Variants in ANTXR1 observed in about 807,000 individuals in gnomAD.
ANTXR1 encodes the protein ANTXR cell adhesion molecule 1, also known as anthrax toxin receptor 1.
A neutral mutation model predicts 78.1 loss-of-function variants in ANTXR1; 19 were observed. The ratio of observed to expected loss-of-function variants is 0.24; its 90% CI spans 0.17 to 0.36. The LOEUF (loss-of-function observed/expected upper bound fraction) is 0.36. Among genes scored for constraint, ANTXR1 ranks in the 10% least tolerant of loss-of-function variants. The probability of loss-of-function intolerance (pLI) is 1.00; values close to 1 mark genes in which losing one functional copy is unlikely to be tolerated. For missense variants in ANTXR1, 518 were observed against 718.6 expected (o/e 0.72, Z 3.19); for synonymous variants, 273 against 260.5 (o/e 1.05, Z -0.46).
At chr2:69,045,249 GA>G (rs1337730441) in intron 3 of ANTXR1, among the ~76,000 whole-genome samples, 1 of 152,196 alleles carries the variant, frequency 6.6e-6, no homozygotes, top group Admixed American at 6.5e-5. Context: ...GAAGGGAGTA[GA>G]AAGGGAGGGC....
At chr2:69,169,319 A>C (rs138291763) in intron 13 of ANTXR1, among the ~76,000 whole-genome samples, 3 of 152,366 alleles carry the variant, frequency 2.0e-5, no homozygotes, top group African/African-American at 7.2e-5. Context: ...AGGGGACCCA[A>C]AATTCTGATA....
At chr2:69,077,225 G>A in intron 7 of ANTXR1, 183 bp from the exon 8 acceptor site, 1 of 643,816 alleles carries the variant, frequency 1.6e-6, no homozygotes, top group South Asian at 1.8e-5. Context: ...GCTCCAGAGA[G>A]GCCACTGGTG....
rs142322559 is a variant in ANTXR1, at chr2:69,091,473, T to G, written c.703+554T>G. Among the ~76,000 whole-genome samples, 198 of 145,570 alleles carry G rather than the reference T, an allele frequency of 1.4e-3. 2 individuals are homozygous for G. The East Asian group carries it at 0.022, about 17-fold the overall frequency. On this transcript the variant is annotated intron_variant, in intron 9 of 17. Coordinates refer to ENST00000303714, the MANE Select transcript of ANTXR1 (RefSeq NM_032208.3). ...AAAAAAAAAAAAAAAAAAAAAAAGTTATCTTCTTTCATGGGACCTAATTAG... is the reference window on the plus strand; with the variant it reads ...AAAAAAAAAAAAAAAAAAAAAAAGTGATCTTCTTTCATGGGACCTAATTAG...
chr2:69,138,511 GA>G (rs1162512290), intron 12 of ANTXR1, among the ~76,000 whole-genome samples: 1 of 152,186 alleles, frequency 6.6e-6, no homozygotes, highest in East Asian at 1.9e-4. Flanking sequence ...GTTCCCTACA[GA>G]ATGACAAGGT....
intron 17 of ANTXR1, among the ~76,000 whole-genome samples, chr2:69,222,318 G>T (rs916576250): frequency 6.6e-5 from 10 of 152,120 alleles, no homozygotes; most frequent in Admixed American, 5.9e-4. Context: ...TAGCAGACCG[G>T]CTCAAGATTT....
chr2:69,155,311 T>C (rs567195268), intron 13 of ANTXR1, among the ~76,000 whole-genome samples: 50 of 152,330 alleles, frequency 3.3e-4, no homozygotes, highest in African/African-American at 9.4e-4. Flanking sequence ...TTAAGATTCC[T>C]ATACCTATTC....
intron 11 of ANTXR1, among the ~76,000 whole-genome samples, chr2:69,123,584 C>T (rs1392145947): frequency 1.3e-5 from 2 of 152,220 alleles, no homozygotes; most frequent in African/African-American, 4.8e-5. Flanking sequence ...AGACTCACGC[C>T]TTCTGATGTC....
chr2:69,023,892 G>A (rs1671268637), intron 1 of ANTXR1, among the ~76,000 whole-genome samples: 2 of 152,174 alleles, frequency 1.3e-5, no homozygotes, highest in Non-Finnish European at 2.9e-5. Flanking sequence ...GCAACATTTA[G>A]GAAAGCAAAC....
chr2:69,118,869 A>T (rs996633213), intron 10 of ANTXR1, among the ~76,000 whole-genome samples: 1 of 152,080 alleles, frequency 6.6e-6, no homozygotes, highest in African/African-American at 2.4e-5. Context: ...AAAGTCACTC[A>T]TTTTTGTGGT....
intron 17 of ANTXR1, among the ~76,000 whole-genome samples, chr2:69,196,087 T>C (rs1400921898): frequency 6.6e-6 from 1 of 152,210 alleles, no homozygotes; most frequent in Admixed American, 6.5e-5. Flanking sequence ...TGAAAATAAA[T>C]GGAACTTCCT....
chr2:69,082,280 G>T (rs1670919467), intron 8 of ANTXR1, among the ~76,000 whole-genome samples: 1 of 152,184 alleles, frequency 6.6e-6, no homozygotes, highest in African/African-American at 2.4e-5. Context: ...GACACAGGCT[G>T]CAAGGAACAT....
chr2:69,212,399 A>T (rs1449933061), intron 17 of ANTXR1, among the ~76,000 whole-genome samples: 1 of 152,090 alleles, frequency 6.6e-6, no homozygotes, highest in East Asian at 1.9e-4. Flanking sequence ...TGCGTATATG[A>T]CCATCCAAGG....
chr2:69,162,667 A>G (rs1278341047), intron 13 of ANTXR1, among the ~76,000 whole-genome samples: 1 of 152,186 alleles, frequency 6.6e-6, no homozygotes, highest in African/African-American at 2.4e-5. Context: ...AGCACAAAAG[A>G]CCAGAGAAAG....
intron 14 of ANTXR1, among the ~76,000 whole-genome samples, chr2:69,170,516 A>G (rs1169531268): frequency 6.6e-6 from 1 of 152,224 alleles, no homozygotes; most frequent in Admixed American, 6.5e-5. Context: ...TGAGTTTTGG[A>G]GGTTTTTCTC....
chr2:69,099,073 CTCCAA>C (rs2104307564), intron 9 of ANTXR1, among the ~76,000 whole-genome samples: 1 of 152,276 alleles, frequency 6.6e-6, no homozygotes, highest in East Asian at 1.9e-4. Flanking sequence ...ATTTTCATCA[CTCCAA>C]GAAGAAACCC....
chr2:69,200,793 A>G (rs1449519075), intron 17 of ANTXR1, among the ~76,000 whole-genome samples: 1 of 152,194 alleles, frequency 6.6e-6, no homozygotes, highest in East Asian at 1.9e-4. Flanking sequence ...AGAGAGTGTC[A>G]TGCACTGTAT....
chr2:69,137,488 C>A (rs1672945404), intron 12 of ANTXR1, among the ~76,000 whole-genome samples: 2 of 152,060 alleles, frequency 1.3e-5, no homozygotes, highest in South Asian at 4.2e-4. Flanking sequence ...GGGTTGAGCA[C>A]CCTGGTTCAG....
intron 13 of ANTXR1, among the ~76,000 whole-genome samples, chr2:69,162,907 C>T (rs1431275030): frequency 6.6e-6 from 1 of 151,852 alleles, no homozygotes; most frequent in Non-Finnish European, 1.5e-5. Context: ...TGCGATCTTA[C>T]AAAATAATAT....
chr2:69,238,627 C>T (rs1263460444), intron 17 of ANTXR1, among the ~76,000 whole-genome samples: 1 of 152,162 alleles, frequency 6.6e-6, no homozygotes, highest in African/African-American at 2.4e-5. Flanking sequence ...AGAAACTATG[C>T]TCATAATTCC....
Sources: allele counts gnomAD v4.1 joint callset (sites outside exome capture counted in the v4.1 genomes callset), GRCh38; gene constraint gnomAD v4.1.1; transcripts MANE v1.5; gene names NCBI Gene and HGNC (gene_info 2026-07-23, HGNC 2026-07-21).